Variants in B4GALNT3 observed in about 807,000 individuals in gnomAD.
B4GALNT3 encodes the protein beta-1,4-N-acetyl-galactosaminyltransferase 3, also known as beta-1,4-N-acetylgalactosaminyltransferase 3.
Under a neutral mutation model 120.2 loss-of-function variants are expected in B4GALNT3, and 86 were observed. The ratio of observed to expected loss-of-function variants is 0.72; its 90% CI spans 0.60 to 0.86. The LOEUF (loss-of-function observed/expected upper bound fraction) is 0.86, where lower values mean the gene tolerates loss of function less well. B4GALNT3 is among the 40% of genes least tolerant of loss of function. The pLI, the probability that B4GALNT3 is intolerant of heterozygous loss-of-function variation, is 0.00. For synonymous variants in B4GALNT3, 518 were observed against 510.4 expected, an observed-to-expected ratio of 1.01 and a Z score of -0.20; for missense variants, 1,167 against 1,298.9, an observed-to-expected ratio of 0.90 and a Z score of 1.56.
At position 561,580 on chromosome 12, in the gene B4GALNT3, C is replaced by G. The variant is rs1325071875; in HGVS notation, c.*129C>G. On this transcript the variant is annotated 3_prime_UTR_variant, in exon 20 of 20. Transcript: ENST00000266383. ...CCCAAGAGGCCTCGAAGCTGACGGC[C>G]CACTCCACCTGGAGCTGTCCCCTCA... 4.3e-6 allele frequency: 3 copies of G among 693,994 alleles called. No individual in the cohort carries two copies. In the African/African-American group the frequency reaches 5.4e-5, roughly 12 times the overall value. 43.0% of individuals were successfully genotyped at this position (693,994 alleles called of 1,614,324 possible).
At chr12:555,603 G>T (rs1306394392) in intron 14 of B4GALNT3, among the ~76,000 whole-genome samples, 1 of 152,162 alleles carries the variant, frequency 6.6e-6, no homozygotes, top group Non-Finnish European at 1.5e-5. Context: ...TATATATCTA[G>T]GAGTAGAACT....
intron 14 of B4GALNT3, chr12:555,316 T>G: frequency 2.2e-6 from 1 of 456,532 alleles, no homozygotes; most frequent in South Asian, 1.6e-5. Context: ...ATTCCGGACA[T>G]CTTATGCAAA....
chr12:468,712 A>G (rs1337966487), intron 1 of B4GALNT3, among the ~76,000 whole-genome samples: 1 of 152,236 alleles, frequency 6.6e-6, no homozygotes, highest in Non-Finnish European at 1.5e-5. Flanking sequence ...ATAAAGTCAC[A>G]AACTAATTTA....
intron 1 of B4GALNT3, among the ~76,000 whole-genome samples, chr12:517,353 G>T (rs1403017168): frequency 6.6e-6 from 1 of 152,050 alleles, no homozygotes; most frequent in Non-Finnish European, 1.5e-5. Flanking sequence ...GATTACAGGG[G>T]AATCATAACC....
At position 487,510 on chromosome 12, in the gene B4GALNT3, C is replaced by T. The variant is rs12366910; in HGVS notation, c.169+26965C>T. Among the ~76,000 whole-genome samples, 1,121 of 151,706 alleles carry T rather than the reference C, an allele frequency of 7.4e-3. 14 individuals are homozygous for T. Among genetic ancestry groups the T allele is most frequent in the Middle Eastern group, 0.01 (3 of 288 alleles). On this transcript the variant is annotated intron_variant, in intron 1 of 19. Coordinates refer to ENST00000266383, the MANE Select transcript of B4GALNT3 (RefSeq NM_173593.4). ...GGCAGATCACTTGAGGCCAGGAGTT[C>T]GAGACCAGCCTGGCCAACATGGTGA... is the stretch of plus-strand genomic sequence containing the variant.
chr12:558,741 T>G, intron 18 of B4GALNT3, 80 bp downstream of exon 18: 1 of 1,460,352 alleles, frequency 6.8e-7, no homozygotes, highest in Non-Finnish European at 9.3e-7. Flanking sequence ...AACAGTCATA[T>G]CTATGAGCGT....
chr12:525,310 T>C (rs1379320996), intron 1 of B4GALNT3, among the ~76,000 whole-genome samples: 198 of 152,278 alleles, frequency 1.3e-3, no homozygotes, highest in Non-Finnish European at 2.1e-4. Context: ...GGTTTCACCA[T>C]GTTGGTCAGG....
rs540887864 is a variant in B4GALNT3 at position 520,715 on chromosome 12, T to C, written c.170-14451T>C. On this transcript the variant is annotated intron_variant, in intron 1 of 19. Transcript: ENST00000266383. ...CTGAGGCAGGAGAATCTCTTGAACC[T>C]GGGAGGCGGAGGTTGCACTGAGCCG... Among the ~76,000 whole-genome samples the C allele has an allele frequency of 9.2e-5, 8 of 86,568 alleles. No individual in the cohort carries two copies. The South Asian group carries it at 3.5e-3, about 38-fold the overall frequency. The allele number at this position is 86,568 out of a possible 152,430, so 56.8% of individuals were successfully genotyped here.
intron 1 of B4GALNT3, among the ~76,000 whole-genome samples, chr12:474,456 T>G (rs984697805): frequency 6.6e-6 from 1 of 152,230 alleles, no homozygotes; most frequent in African/African-American, 2.4e-5. Flanking sequence ...TTCTAGATAC[T>G]GGACCTGGGC....
At chr12:520,645 GTGA>G (rs1946700389) in intron 1 of B4GALNT3, among the ~76,000 whole-genome samples, 2 of 152,146 alleles carry the variant, frequency 1.3e-5, no homozygotes, top group Non-Finnish European at 2.9e-5. Context: ...TTATGGGATT[GTGA>G]CTAATAGTAT....
chr12:510,214 G>C (rs531744849), intron 1 of B4GALNT3, among the ~76,000 whole-genome samples: 7 of 152,324 alleles, frequency 4.6e-5, no homozygotes, highest in South Asian at 2.1e-4. Flanking sequence ...GAGAAATGGC[G>C]CTGGTGCTGC....
intron 1 of B4GALNT3, 124 bp from the exon 2 acceptor site, chr12:535,042 C>T (rs1003897245): frequency 1.2e-5 from 9 of 757,026 alleles, no homozygotes; most frequent in African/African-American, 1.1e-4. Flanking sequence ...GCCCTCTTCC[C>T]ACCCACCCTC....
At chr12:547,238 C>G (rs1385527815) in intron 7 of B4GALNT3, among the ~76,000 whole-genome samples, 1 of 152,176 alleles carries the variant, frequency 6.6e-6, no homozygotes, top group Non-Finnish European at 1.5e-5. Context: ...GGTGCAGACA[C>G]AGCTAGATGG....
intron 1 of B4GALNT3, among the ~76,000 whole-genome samples, chr12:533,013 G>A (rs898631615): frequency 3.0e-4 from 45 of 152,200 alleles, no homozygotes; most frequent in African/African-American, 9.9e-4. Flanking sequence ...AGCTTCTCTT[G>A]AGTAAGAAGT....
chr12:524,072 CA>C (rs1164505124), intron 1 of B4GALNT3, among the ~76,000 whole-genome samples: 2 of 151,876 alleles, frequency 1.3e-5, no homozygotes, highest in Non-Finnish European at 2.9e-5. Flanking sequence ...AAAACAAAAA[CA>C]AAAAAACACA....
At chr12:467,575 A>C (rs1946093950) in intron 1 of B4GALNT3, among the ~76,000 whole-genome samples, 1 of 152,166 alleles carries the variant, frequency 6.6e-6, no homozygotes, top group African/African-American at 2.4e-5. Context: ...AAATAAACAA[A>C]ATAAAATAGG....
intron 1 of B4GALNT3, among the ~76,000 whole-genome samples, chr12:463,254 G>A (rs1946040386): frequency 6.6e-6 from 1 of 152,182 alleles, no homozygotes; most frequent in South Asian, 2.1e-4. Context: ...AAACTCCAGG[G>A]TTACCAGTAA....
intron 1 of B4GALNT3, among the ~76,000 whole-genome samples, chr12:531,218 C>T (rs4980934): frequency 0.52 from 79,062 of 150,880 alleles, 21,820 homozygotes; most frequent in East Asian, 0.83. Context: ...ACCTGAGACG[C>T]ACTTGGTGAA....
At chr12:552,620 C>A in intron 13 of B4GALNT3, 92 bp downstream of exon 13, 1 of 1,256,342 alleles carries the variant, frequency 8.0e-7, no homozygotes, top group South Asian at 1.4e-5. Context: ...CAGCCCCGCC[C>A]CTGAGGAGCT....
Sources: gnomAD v4.1 joint callset for allele counts (sites outside exome capture counted in the v4.1 genomes callset) on GRCh38, gnomAD v4.1.1 for gene constraint, MANE v1.5 for transcripts, NCBI Gene and HGNC (gene_info 2026-07-23, HGNC 2026-07-21) for gene names.